The following KALRN variants were observed in gnomAD, a reference collection of about 807,000 sequenced individuals.
The protein encoded by KALRN is kalirin.
Under a neutral mutation model 353.7 loss-of-function variants are expected in KALRN, and 70 were observed. The ratio of observed to expected loss-of-function variants is 0.20; its 90% CI spans 0.16 to 0.24. The LOEUF is 0.24. Among genes scored for constraint, KALRN ranks in the 10% least tolerant of loss-of-function variants. The pLI is 1.00. For synonymous variants in KALRN, 1,391 were observed against 1,434.8 expected, an observed-to-expected ratio of 0.97 and a Z score of 0.69; for missense variants, 2,791 against 3,756.7, an observed-to-expected ratio of 0.74 and a Z score of 6.72.
intron 37 of KALRN, among the ~76,000 whole-genome samples, chr3:124,642,460 C>T (rs1215161533): frequency 6.6e-6 from 1 of 152,094 alleles, no homozygotes; most frequent in African/African-American, 2.4e-5. Context: ...CAGGACTGAA[C>T]TCCTATTTAG....
chr3:124,641,484 A>G (rs1333952816), intron 37 of KALRN, among the ~76,000 whole-genome samples: 1 of 152,164 alleles, frequency 6.6e-6, no homozygotes, highest in Non-Finnish European at 1.5e-5. Context: ...CTGTGTAAGG[A>G]ATCAGAAGAC....
intron 1 of KALRN, among the ~76,000 whole-genome samples, chr3:124,226,102 T>A (rs1444529681): frequency 6.6e-6 from 1 of 152,228 alleles, no homozygotes; most frequent in Non-Finnish European, 1.5e-5. Flanking sequence ...GCATCATTGT[T>A]CACAAACAAG....
chr3:124,227,673 T>TGTTTG (rs1560289061), intron 1 of KALRN, among the ~76,000 whole-genome samples: 8 of 22,992 alleles, frequency 3.5e-4, no homozygotes, highest in African/African-American at 1.5e-3. Flanking sequence ...GTTTTTTTTT[T>TGTTTG]TTTTTTTTTT....
At chr3:124,382,066 CCTGGTT>C (rs1468310776) in intron 10 of KALRN, among the ~76,000 whole-genome samples, 1 of 152,152 alleles carries the variant, frequency 6.6e-6, no homozygotes, top group Admixed American at 6.5e-5. Flanking sequence ...GGGTTTTAAT[CCTGGTT>C]CTGCCACTTA....
At chr3:124,299,011 C>A in intron 6 of KALRN, 98 bp downstream of exon 6, 2 of 1,480,102 alleles carry the variant, frequency 1.4e-6, no homozygotes, top group Non-Finnish European at 1.9e-6. Context: ...CGAGGAAGAA[C>A]TGTGAACATG....
chr3:124,462,724 A>C, intron 25 of KALRN, 91 bp downstream of exon 25: 1 of 700,068 alleles, frequency 1.4e-6, no homozygotes, highest in Non-Finnish European at 2.5e-6. Flanking sequence ...GCGATTGGTG[A>C]ATCTTATCTG....
At chr3:124,094,948 T>C (rs745902111) in intron 1 of KALRN, 1 of 1,532,938 alleles carries the variant, frequency 6.5e-7, no homozygotes, top group African/African-American at 1.4e-5. Context: ...CTGAGAGAGA[T>C]AAATACACAT....
intron 14 of KALRN, among the ~76,000 whole-genome samples, chr3:124,414,245 C>T (rs2092370531): frequency 6.6e-6 from 1 of 152,152 alleles, no homozygotes; most frequent in Non-Finnish European, 1.5e-5. Context: ...AGCACAGATT[C>T]CTTTAAAAAA....
At chr3:124,619,023 A>G (rs192156691) in intron 34 of KALRN, among the ~76,000 whole-genome samples, 1 of 152,282 alleles carries the variant, frequency 6.6e-6, no homozygotes, top group East Asian at 1.9e-4. Context: ...ACATATAAAT[A>G]GTTATCTGCT....
chr3:124,509,746 G>C (rs2065667020), intron 33 of KALRN, among the ~76,000 whole-genome samples: 1 of 152,152 alleles, frequency 6.6e-6, no homozygotes, highest in Non-Finnish European at 1.5e-5. Flanking sequence ...TAAATTTGTT[G>C]GTTTTGGATC....
At chr3:124,391,779 C>T (rs1222068513) in intron 11 of KALRN, among the ~76,000 whole-genome samples, 1 of 152,176 alleles carries the variant, frequency 6.6e-6, no homozygotes, top group African/African-American at 2.4e-5. Context: ...CAGGCAGTGA[C>T]TGTGTGCACC....
rs548343417 is a variant in KALRN at position 124,060,428 on chromosome 3, T to C, written c.73+26615T>C. Among the ~76,000 whole-genome samples, 7 of 152,320 alleles carry C rather than the reference T, an allele frequency of 4.6e-5. No homozygotes were observed. The East Asian group carries it at 1.4e-3, about 29-fold the overall frequency. ...TCACTATCTCTCTCTTGATCTATCA[T>C]GGTGTTTTCTATTTTTTATTTAATG... On this transcript the variant is annotated intron_variant, in intron 1 of 59. Coordinates refer to ENST00000682506, the MANE Select transcript of KALRN (RefSeq NM_001388419.1).
chr3:124,322,244 A>G (rs930029133), intron 6 of KALRN, among the ~76,000 whole-genome samples: 1 of 152,204 alleles, frequency 6.6e-6, no homozygotes, highest in Non-Finnish European at 1.5e-5. Context: ...AGTAGGCAGC[A>G]CTATGCTCCT....
At chr3:124,535,962 GA>G (rs1325681050) in intron 33 of KALRN, among the ~76,000 whole-genome samples, 1 of 152,234 alleles carries the variant, frequency 6.6e-6, no homozygotes, top group East Asian at 1.9e-4. Flanking sequence ...GAAGGGAAGG[GA>G]AAATGTGCCA....
intron 6 of KALRN, among the ~76,000 whole-genome samples, chr3:124,308,300 A>G (rs564817956): frequency 2.0e-4 from 31 of 152,174 alleles, no homozygotes; most frequent in Non-Finnish European, 3.8e-4. Context: ...ACAAAGAAAT[A>G]GAAGACTATA....
intron 1 of KALRN, among the ~76,000 whole-genome samples, chr3:124,044,878 C>T (rs1373475605): frequency 5.3e-4 from 14 of 26,350 alleles, no homozygotes; most frequent in South Asian, 3.0e-3. Context: ...TCCTTCCTTC[C>T]TTCCTTCCTT....
At chr3:124,540,882 C>G (rs1012065266) in intron 33 of KALRN, among the ~76,000 whole-genome samples, 3 of 152,206 alleles carry the variant, frequency 2.0e-5, no homozygotes, top group Non-Finnish European at 2.9e-5. Context: ...GTCAACCCCC[C>G]ACAGCAGAGC....
chr3:124,578,625 C>T (rs1236459888), intron 34 of KALRN, among the ~76,000 whole-genome samples: 8 of 152,064 alleles, frequency 5.3e-5, no homozygotes, highest in African/African-American at 1.9e-4. Context: ...ATAGATTGGC[C>T]GGGCTTGGTG....
At chr3:124,448,989 A>C (rs1260680780) in intron 21 of KALRN, among the ~76,000 whole-genome samples, 1 of 152,196 alleles carries the variant, frequency 6.6e-6, no homozygotes, top group East Asian at 1.9e-4. Flanking sequence ...TGTAACTATC[A>C]TGTTCCAAAT....
Sources: gnomAD v4.1 joint callset for allele counts (sites outside exome capture counted in the v4.1 genomes callset) on GRCh38, gnomAD v4.1.1 for gene constraint, MANE v1.5 for transcripts, NCBI Gene and HGNC (gene_info 2026-07-23, HGNC 2026-07-21) for gene names.